Variants in HS3ST4 observed in about 807,000 individuals in gnomAD.
HS3ST4 encodes the protein heparan sulfate glucosamine 3-O-sulfotransferase 4.
Under a neutral mutation model 29.2 loss-of-function variants are expected in HS3ST4, and 17 were observed. The observed-to-expected ratio is 0.58, with a 90% CI of 0.40 to 0.87. HS3ST4 has a LOEUF of 0.87. Among genes scored for constraint, HS3ST4 ranks in the 40% least tolerant of loss-of-function variants. HS3ST4 has a pLI of 0.00. For missense variants in HS3ST4, 627 were observed against 634.5 expected (o/e 0.99, Z 0.13); for synonymous variants, 314 against 285.7 (o/e 1.10, Z -1.00).
chr16:26,046,893 A>G (rs1290141285), intron 1 of HS3ST4, among the ~76,000 whole-genome samples: 1 of 152,160 alleles, frequency 6.6e-6, no homozygotes, highest in Non-Finnish European at 1.5e-5. Flanking sequence ...AATTCATCCA[A>G]CATCGCACAA....
chr16:26,066,876 G>A (rs1234668450), intron 1 of HS3ST4, among the ~76,000 whole-genome samples: 1 of 152,202 alleles, frequency 6.6e-6, no homozygotes, highest in African/African-American at 2.4e-5. Flanking sequence ...GTGGACATTA[G>A]TTCTATATAT....
chr16:26,010,464 A>G (rs1969300118), intron 1 of HS3ST4, among the ~76,000 whole-genome samples: 1 of 150,872 alleles, frequency 6.6e-6, no homozygotes, highest in Non-Finnish European at 1.5e-5. Context: ...AAAAAAAGAA[A>G]AAAAAGGAAA....
At chr16:25,921,833 C>G (rs1267308409) in intron 1 of HS3ST4, among the ~76,000 whole-genome samples, 5 of 151,662 alleles carry the variant, frequency 3.3e-5, no homozygotes, top group Non-Finnish European at 2.9e-5. Flanking sequence ...CAGCTCACCT[C>G]AGCCTCAACC....
chr16:25,816,352 C>T (rs890412857), intron 1 of HS3ST4, among the ~76,000 whole-genome samples: 8 of 152,152 alleles, frequency 5.3e-5, no homozygotes, highest in African/African-American at 1.4e-4. Flanking sequence ...CGAAAGCTTC[C>T]ATTGACAGTC....
At chr16:26,024,960 T>C (rs1236250762) in intron 1 of HS3ST4, among the ~76,000 whole-genome samples, 1 of 152,156 alleles carries the variant, frequency 6.6e-6, no homozygotes, top group East Asian at 1.9e-4. Context: ...GGAATATGAC[T>C]TATCTTTATT....
At chr16:25,862,921 C>T (rs1013655636) in intron 1 of HS3ST4, among the ~76,000 whole-genome samples, 1 of 152,146 alleles carries the variant, frequency 6.6e-6, no homozygotes, top group Admixed American at 6.5e-5. Flanking sequence ...CCTATTGCCT[C>T]CTATTCTTGA....
chr16:25,774,531 A>G (rs3935635), intron 1 of HS3ST4, among the ~76,000 whole-genome samples: 104,333 of 152,068 alleles, frequency 0.69, 36,190 homozygotes, highest in Middle Eastern at 0.76. Flanking sequence ...AGACTGCCTG[A>G]GCTTTAATTC....
intron 1 of HS3ST4, among the ~76,000 whole-genome samples, chr16:26,132,322 C>G (rs1899430650): frequency 6.6e-6 from 1 of 152,144 alleles, no homozygotes; most frequent in Non-Finnish European, 1.5e-5. Flanking sequence ...ATAACTCATG[C>G]CACATTGGTT....
intron 1 of HS3ST4, among the ~76,000 whole-genome samples, chr16:25,840,348 A>G (rs934277090): frequency 6.6e-6 from 1 of 152,226 alleles, no homozygotes; most frequent in Admixed American, 6.5e-5. Flanking sequence ...TTTGAGACGC[A>G]ACTACTACAA....
chr16:25,909,848 T>C (rs1968218173), intron 1 of HS3ST4, among the ~76,000 whole-genome samples: 1 of 152,144 alleles, frequency 6.6e-6, no homozygotes, highest in African/African-American at 2.4e-5. Flanking sequence ...TAAAGATGAT[T>C]ATTTTTTGTT....
chr16:25,699,778 G>C (rs1485247557), intron 1 of HS3ST4, among the ~76,000 whole-genome samples: 3 of 152,138 alleles, frequency 2.0e-5, no homozygotes, highest in Non-Finnish European at 4.4e-5. Context: ...AGAATCTATT[G>C]GACAAATTAC....
At chr16:26,098,604 G>A (rs1191548470) in intron 1 of HS3ST4, among the ~76,000 whole-genome samples, 1 of 152,124 alleles carries the variant, frequency 6.6e-6, no homozygotes, top group African/African-American at 2.4e-5. Flanking sequence ...GGCTGGGGGA[G>A]GGATGGCATT....
intron 1 of HS3ST4, among the ~76,000 whole-genome samples, chr16:25,897,177 A>T (rs188039590): frequency 6.6e-6 from 1 of 152,304 alleles, no homozygotes; most frequent in East Asian, 1.9e-4. Context: ...ACTGGGGGCC[A>T]GGCACAGTAG....
chr16:26,047,251 C>G (rs1471862031), intron 1 of HS3ST4, among the ~76,000 whole-genome samples: 5 of 152,200 alleles, frequency 3.3e-5, no homozygotes, highest in Non-Finnish European at 7.3e-5. Context: ...CATCTCTAAG[C>G]CCCTGTAGGT....
At chr16:25,901,693 C>CA (rs1968120901) in intron 1 of HS3ST4, among the ~76,000 whole-genome samples, 1 of 55,072 alleles carries the variant, frequency 1.8e-5, no homozygotes. Context: ...AAAATGCTCT[C>CA]TCATCTTTCT....
intron 1 of HS3ST4, among the ~76,000 whole-genome samples, chr16:25,919,547 C>T (rs370464930): frequency 5.2e-4 from 79 of 151,960 alleles, no homozygotes; most frequent in African/African-American, 1.8e-3. Flanking sequence ...GTATTGTAAG[C>T]GGGGGGACTT....
chr16:25,809,823 C>A (rs1020970426), intron 1 of HS3ST4, among the ~76,000 whole-genome samples: 3 of 152,094 alleles, frequency 2.0e-5, no homozygotes, highest in Non-Finnish European at 4.4e-5. Context: ...ATCCCAGGAC[C>A]TGCAGTGAGA....
chr16:25,820,095 T>C (rs1967135220), intron 1 of HS3ST4, among the ~76,000 whole-genome samples: 1 of 147,976 alleles, frequency 6.8e-6, no homozygotes, highest in South Asian at 2.2e-4. Flanking sequence ...TTCCTCCTCG[T>C]GTGAATGTGT....
chr16:25,800,149 C>A (rs749900089), intron 1 of HS3ST4, among the ~76,000 whole-genome samples: 4 of 151,680 alleles, frequency 2.6e-5, no homozygotes, highest in Non-Finnish European at 4.4e-5. Context: ...TCCCCTAGAT[C>A]ATTGACTCCA....
Sources: gnomAD v4.1 joint callset for allele counts (sites outside exome capture counted in the v4.1 genomes callset) on GRCh38, gnomAD v4.1.1 for gene constraint, MANE v1.5 for transcripts, NCBI Gene and HGNC (gene_info 2026-07-23, HGNC 2026-07-21) for gene names.